NEBL: variants seen among roughly 807,000 people sequenced by gnomAD.
NEBL encodes the protein nebulette.
A neutral mutation model predicts 140.2 loss-of-function variants in NEBL; 122 were observed. The ratio of observed to expected loss-of-function variants is 0.87; its 90% CI spans 0.75 to 1.01. The LOEUF is 1.01. NEBL is among the 50% of genes least tolerant of loss of function. The probability of loss-of-function intolerance (pLI) is 0.00; values close to 1 mark genes in which losing one functional copy is unlikely to be tolerated. For missense variants in NEBL, 1,365 were observed against 1,231.3 expected (o/e 1.11, Z -1.62); for synonymous variants, 436 against 398.9 (o/e 1.09, Z -1.11).
chr10:21,067,843 T>C (rs1448529557), intron 2 of NEBL, among the ~76,000 whole-genome samples: 4 of 151,904 alleles, frequency 2.6e-5, no homozygotes, highest in Non-Finnish European at 4.4e-5. Flanking sequence ...CAGCTGGGCA[T>C]GGTGGCGAAC....
intron 2 of NEBL, among the ~76,000 whole-genome samples, chr10:21,105,377 C>G (rs1837665911): frequency 1.3e-5 from 2 of 152,006 alleles, no homozygotes; most frequent in Admixed American, 6.6e-5. Flanking sequence ...TGATGTTTCC[C>G]ACCCTGGGTC....
intron 1 of NEBL, among the ~76,000 whole-genome samples, chr10:21,284,114 G>A (rs1033172148): frequency 3.4e-5 from 5 of 146,412 alleles, no homozygotes; most frequent in Admixed American, 7.0e-5. Flanking sequence ...GGAAGCTGAG[G>A]CAGGAGAATC....
chr10:21,087,492 T>C (rs527367937), intron 2 of NEBL, among the ~76,000 whole-genome samples: 1 of 152,324 alleles, frequency 6.6e-6, no homozygotes, highest in East Asian at 1.9e-4. Context: ...TCAGACTTTC[T>C]CTTCTCCCAG....
intron 4 of NEBL, among the ~76,000 whole-genome samples, chr10:20,955,715 C>A (rs1229142075): frequency 2.6e-5 from 4 of 152,014 alleles, no homozygotes; most frequent in Non-Finnish European, 4.4e-5. Flanking sequence ...TTTTAGAACA[C>A]CTCATCTGGT....
rs559054689 is a variant in NEBL, at chr10:21,285,176, G to T, written n.182+7654C>A. ...CTGTTTTTCGAAGGACAGATTCATGGTTACAGAAGTGTGCCATTATCGAGT... is the reference window on the plus strand; with the variant it reads ...CTGTTTTTCGAAGGACAGATTCATGTTTACAGAAGTGTGCCATTATCGAGT... On this transcript the variant is annotated intron_variant and non_coding_transcript_variant, in intron 1 of 8. Transcript: ENST00000675702. Among the ~76,000 whole-genome samples the T allele has an allele frequency of 2.0e-5, 3 of 152,316 alleles. No individual in the cohort carries two copies. The South Asian group carries it at 6.2e-4, about 32-fold the overall frequency.
chr10:20,848,556 T>C (rs1842176735), intron 11 of NEBL, among the ~76,000 whole-genome samples: 1 of 152,186 alleles, frequency 6.6e-6, no homozygotes, highest in South Asian at 2.1e-4. Context: ...CATTCCTGCC[T>C]GAGCTCTGCC....
intron 2 of NEBL, among the ~76,000 whole-genome samples, chr10:21,076,870 G>C (rs1321271176): frequency 2.6e-5 from 4 of 152,074 alleles, no homozygotes; most frequent in African/African-American, 9.7e-5. Flanking sequence ...AAAGAAGATA[G>C]ACAAATGGCC....
At position 21,064,896 on chromosome 10, in the gene NEBL, T is replaced by C. The variant is rs76167663; in HGVS notation, c.165-44695A>G. ...ATCTGAGAAAGGAAATTAGGTGGTT[T>C]GGACAAGCAGGAAAAAAAAAATATT... On this transcript the variant is annotated intron_variant, in intron 2 of 6. Transcript: ENST00000417816. Among the ~76,000 whole-genome samples the C allele has an allele frequency of 2.0e-5, 3 of 151,610 alleles. No individual in the cohort carries two copies. The East Asian group carries it at 5.9e-4, about 30-fold the overall frequency.
chr10:21,163,835 CAG>C (rs1840654648), intron 2 of NEBL, among the ~76,000 whole-genome samples: 2 of 152,216 alleles, frequency 1.3e-5, no homozygotes, highest in African/African-American at 4.8e-5. Context: ...AATGAGTCAA[CAG>C]AGAGTGTGAA....
chr10:20,884,553 C>T (rs1158706226), intron 4 of NEBL, among the ~76,000 whole-genome samples: 2 of 152,192 alleles, frequency 1.3e-5, no homozygotes, highest in African/African-American at 4.8e-5. Context: ...CTTAATTCTA[C>T]TTGATGGTTA....
At chr10:21,008,321 A>G (rs946491926) in intron 3 of NEBL, among the ~76,000 whole-genome samples, 1 of 152,208 alleles carries the variant, frequency 6.6e-6, no homozygotes, top group East Asian at 1.9e-4. Context: ...GTACAATAAG[A>G]TATTTCGAGA....
chr10:20,948,656 G>A (rs1355185991), intron 4 of NEBL, among the ~76,000 whole-genome samples: 1 of 152,204 alleles, frequency 6.6e-6, no homozygotes, highest in Admixed American at 6.5e-5. Flanking sequence ...GTTCACAGCA[G>A]TTGTTAAATT....
chr10:21,019,922 A>C (rs867185945), intron 3 of NEBL, among the ~76,000 whole-genome samples: 15 of 152,208 alleles, frequency 9.9e-5, no homozygotes, highest in South Asian at 2.1e-4. Flanking sequence ...AAAACTGAGA[A>C]TATCAGGACA....
chr10:20,880,915 CA>C lies in NEBL; in HGVS notation c.370-12del, dbSNP rs771830832. Reference sequence around the variant, plus strand: ...CTGCTTGTAGGCCACCTGAAAAACACAAATAATTTTTAGTCCCATTTAGAGG... The same window carrying C: ...CTGCTTGTAGGCCACCTGAAAAACACAATAATTTTTAGTCCCATTTAGAGG... On this transcript the variant is annotated splice_polypyrimidine_tract_variant and intron_variant, in intron 4 of 27. Coordinates refer to ENST00000377122, the MANE Select transcript of NEBL (RefSeq NM_006393.3). 7 of 1,609,816 alleles carry C rather than the reference CA, an allele frequency of 4.3e-6. No individual in the cohort carries two copies. In the East Asian group the frequency reaches 1.6e-4, roughly 36 times the overall value.
chr10:21,252,988 A>G (rs1588565587), intron 1 of NEBL, among the ~76,000 whole-genome samples: 1 of 152,104 alleles, frequency 6.6e-6, no homozygotes, highest in East Asian at 1.9e-4. Context: ...GAGGCCAGGC[A>G]TGGCTGCTAA....
intron 1 of NEBL, among the ~76,000 whole-genome samples, chr10:21,287,613 T>C (rs1843074953): frequency 6.6e-6 from 1 of 152,176 alleles, no homozygotes; most frequent in Non-Finnish European, 1.5e-5. Context: ...ATTAAAATTA[T>C]AATGGGAGAC....
intron 12 of NEBL, among the ~76,000 whole-genome samples, chr10:20,844,506 A>C (rs1215172386): frequency 7.0e-6 from 1 of 143,752 alleles, no homozygotes; most frequent in African/African-American, 2.8e-5. Flanking sequence ...TGACCATTTA[A>C]AAAACATAAA....
chr10:21,235,168 C>T (rs1000233863), intron 3 of NEBL, among the ~76,000 whole-genome samples: 3 of 151,962 alleles, frequency 2.0e-5, no homozygotes, highest in East Asian at 1.9e-4. Context: ...TGGTGGTGTG[C>T]GCCTGTAGTC....
chr10:20,811,778 G>T (rs1365645270), intron 24 of NEBL, among the ~76,000 whole-genome samples: 1 of 152,140 alleles, frequency 6.6e-6, no homozygotes, highest in African/African-American at 2.4e-5. Flanking sequence ...ATTACTGAGT[G>T]GCATATACCA....
Sources: allele counts gnomAD v4.1 joint callset (sites outside exome capture counted in the v4.1 genomes callset), GRCh38; gene constraint gnomAD v4.1.1; transcripts MANE v1.5; gene names NCBI Gene and HGNC (gene_info 2026-07-23, HGNC 2026-07-21).